The following ATOX1 variants were observed in gnomAD, a reference collection of about 807,000 sequenced individuals.
ATOX1 encodes antioxidant 1 copper chaperone.
In ATOX1, 4 loss-of-function variants were observed where a neutral mutation model predicts 7.3. The ratio of observed to expected loss-of-function variants is 0.55; its 90% CI spans 0.27 to 1.25. The LOEUF (loss-of-function observed/expected upper bound fraction) is 1.25. Among genes scored for constraint, ATOX1 ranks in the 50% most tolerant of loss-of-function variants. The pLI, the probability that ATOX1 is intolerant of heterozygous loss-of-function variation, is 0.12. For synonymous variants in ATOX1, 25 were observed against 28.7 expected (o/e 0.87, Z 0.41); for missense variants, 68 against 81.6 (o/e 0.83, Z 0.64).
intron 1 of ATOX1, among the ~76,000 whole-genome samples, chr5:151,754,967 G>A (rs1761994769): frequency 7.2e-6 from 1 of 139,336 alleles, no homozygotes; most frequent in African/African-American, 2.7e-5. Context: ...TGGCAAGAGA[G>A]CGAGACACCG....
chr5:151,746,304 G>C lies in ATOX1; in HGVS notation c.*21C>G. 2 of 1,611,944 alleles carry C rather than the reference G, an allele frequency of 1.2e-6. No individual in the cohort carries two copies. Among genetic ancestry groups the C allele is most frequent in the East Asian group, 4.5e-5 (2 of 44,846 alleles). ...CTGCCCCCTTTGGTCCATCCTGTGG[G>C]CTGTGGGGACCAGGCCCCTGCTACT... On this transcript the variant is annotated 3_prime_UTR_variant, in exon 3 of 4. Coordinates refer to ENST00000313115, the MANE Select transcript of ATOX1 (RefSeq NM_004045.4).
chr5:151,747,619 C>T (rs1236852008), intron 2 of ATOX1, among the ~76,000 whole-genome samples: 1 of 150,844 alleles, frequency 6.6e-6, no homozygotes, highest in African/African-American at 2.4e-5. Context: ...CAGAGTCTCG[C>T]TGTGTCACCC....
chr5:151,747,189 C>T (rs886818603), intron 2 of ATOX1, among the ~76,000 whole-genome samples: 1 of 151,728 alleles, frequency 6.6e-6, no homozygotes, highest in Non-Finnish European at 1.5e-5. Flanking sequence ...TAGACTTTGT[C>T]CTAGATAGAC....
intron 1 of ATOX1, among the ~76,000 whole-genome samples, chr5:151,755,938 CTT>C (rs914215313): frequency 1.7e-3 from 201 of 118,434 alleles, no homozygotes; most frequent in African/African-American, 5.4e-3. Flanking sequence ...TGGGATGATT[CTT>C]TTTTTTTTTT....
At chr5:151,750,389 T>G (rs1212843147) in intron 2 of ATOX1, among the ~76,000 whole-genome samples, 4 of 151,706 alleles carry the variant, frequency 2.6e-5, no homozygotes, top group Non-Finnish European at 5.9e-5. Context: ...GAAATCCATA[T>G]CTATGAAAAG....
At chr5:151,749,853 T>C (rs1761925207) in intron 2 of ATOX1, among the ~76,000 whole-genome samples, 1 of 152,106 alleles carries the variant, frequency 6.6e-6, no homozygotes, top group Non-Finnish European at 1.5e-5. Flanking sequence ...GATCCCAGTT[T>C]ACAGGGCTAG....
At chr5:151,748,724 T>C (rs1282211879) in intron 2 of ATOX1, among the ~76,000 whole-genome samples, 1 of 151,870 alleles carries the variant, frequency 6.6e-6, no homozygotes, top group Non-Finnish European at 1.5e-5. Flanking sequence ...TAGCTCAGTG[T>C]GTGGCATGTG....
intron 2 of ATOX1, among the ~76,000 whole-genome samples, chr5:151,749,280 G>A (rs549541426): frequency 6.6e-6 from 1 of 152,256 alleles, no homozygotes; most frequent in South Asian, 2.1e-4. Flanking sequence ...AAGGTCAGGA[G>A]TTTGAGACCA....
intron 2 of ATOX1, among the ~76,000 whole-genome samples, chr5:151,746,908 A>G (rs1404350335): frequency 1.3e-5 from 2 of 152,036 alleles, no homozygotes; most frequent in African/African-American, 2.4e-5. Context: ...TAATTTTTGT[A>G]TTTTTAGTAG....
intron 1 of ATOX1, chr5:151,753,968 T>G (rs955304388): frequency 2.6e-5 from 4 of 152,262 alleles, no homozygotes; most frequent in African/African-American, 7.2e-5. Context: ...TTGTGACTAG[T>G]AAACCACTCC....
intron 2 of ATOX1, among the ~76,000 whole-genome samples, chr5:151,749,640 T>TA (rs1278971573): frequency 7.8e-6 from 1 of 128,494 alleles, no homozygotes; most frequent in Non-Finnish European, 1.6e-5. Context: ...CTAGCCTGGG[T>TA]GAAAGAGCAA....
intron 2 of ATOX1, among the ~76,000 whole-genome samples, chr5:151,750,037 A>G (rs1236793802): frequency 2.0e-5 from 3 of 152,246 alleles, no homozygotes; most frequent in African/African-American, 7.2e-5. Flanking sequence ...AGGGTTTTAA[A>G]AAAGAAAATT....
At chr5:151,756,448 C>T (rs962240865) in intron 1 of ATOX1, among the ~76,000 whole-genome samples, 1 of 145,882 alleles carries the variant, frequency 6.9e-6, no homozygotes, top group Admixed American at 6.9e-5. Context: ...TCTTTCTTTT[C>T]TTTCTCTCTC....
chr5:151,751,908 C>T, intron 1 of ATOX1, 129 bp from the exon 2 acceptor site: 1 of 828,152 alleles, frequency 1.2e-6, no homozygotes, highest in East Asian at 2.7e-5. Context: ...TGGCATCAGA[C>T]TCATCAGAAG....
intron 1 of ATOX1, among the ~76,000 whole-genome samples, chr5:151,755,539 A>G (rs1465482965): frequency 6.6e-6 from 1 of 152,134 alleles, no homozygotes; most frequent in Non-Finnish European, 1.5e-5. Flanking sequence ...CTAGAAACAC[A>G]TTTTTAGGGA....
rs549380193 is a variant in ATOX1, at chr5:151,756,191, C to T, written c.6+2355G>A. Among the ~76,000 whole-genome samples the T allele has an allele frequency of 6.6e-5, 10 of 151,958 alleles. No homozygotes were observed. The East Asian group carries it at 1.9e-3, about 29-fold the overall frequency. ...AGTCCTGACTTTGTGATCTGCCTGC[C>T]TTAGCCTCCCAAAGTGCTGGGATTA... is the stretch of plus-strand genomic sequence containing the variant. On this transcript the variant is annotated intron_variant, in intron 1 of 3. Coordinates refer to ENST00000313115, the MANE Select transcript of ATOX1 (RefSeq NM_004045.4).
At chr5:151,747,869 G>A (rs1482623463) in intron 2 of ATOX1, among the ~76,000 whole-genome samples, 6 of 152,214 alleles carry the variant, frequency 3.9e-5, no homozygotes, top group Admixed American at 1.3e-4. Flanking sequence ...GACTATAGGC[G>A]TGAGCCACAG....
chr5:151,746,298 C>T lies in ATOX1; in HGVS notation c.*27G>A, dbSNP rs1487965324. The T allele has an allele frequency of 1.2e-6, 2 of 1,611,514 alleles. No individual in the cohort carries two copies. Among genetic ancestry groups the T allele is most frequent in the Middle Eastern group, 1.9e-4 (1 of 5,256 alleles). The stretch of plus-strand genomic sequence containing the variant: ...ACCCACCTGCCCCCTTTGGTCCATC[C>T]TGTGGGCTGTGGGGACCAGGCCCCT... On this transcript the variant is annotated 3_prime_UTR_variant, in exon 3 of 4. Coordinates refer to ENST00000313115, the MANE Select transcript of ATOX1 (RefSeq NM_004045.4).
chr5:151,754,223 C>T (rs190851838), intron 1 of ATOX1: 5 of 152,268 alleles, frequency 3.3e-5, no homozygotes, highest in Admixed American at 3.3e-4. Context: ...AGGTCCCTTC[C>T]CAGAAGTCCG....
Sources: gnomAD v4.1 joint callset for allele counts (sites outside exome capture counted in the v4.1 genomes callset) on GRCh38, gnomAD v4.1.1 for gene constraint, MANE v1.5 for transcripts, NCBI Gene and HGNC (gene_info 2026-07-23, HGNC 2026-07-21) for gene names.